Variants in NAV1 observed in about 807,000 individuals in gnomAD.
The protein encoded by NAV1 is neuron navigator 1, also known as pore membrane and/or filament interacting like protein 3.
NAV1 carries 18 observed loss-of-function variants against 175.2 expected under a neutral mutation model. That is an observed-to-expected ratio of 0.10 (90% CI 0.07 to 0.15). The LOEUF (loss-of-function observed/expected upper bound fraction) is 0.15. Among genes scored for constraint, NAV1 ranks in the 10% least tolerant of loss-of-function variants. The probability of loss-of-function intolerance (pLI) is 1.00; values close to 1 mark genes in which losing one functional copy is unlikely to be tolerated. For synonymous variants in NAV1, 897 were observed against 978.7 expected, an observed-to-expected ratio of 0.92 and a Z score of 1.56; for missense variants, 1,731 against 2,436.6, an observed-to-expected ratio of 0.71 and a Z score of 6.10.
chr1:201,590,331 C>T (rs962062280), intron 2 of NAV1, among the ~76,000 whole-genome samples: 1 of 152,334 alleles, frequency 6.6e-6, no homozygotes, highest in East Asian at 1.9e-4. Context: ...TATCCCCTTC[C>T]AGGGTCCCAC....
At chr1:201,676,242 C>G (rs1258254796) in intron 1 of NAV1, among the ~76,000 whole-genome samples, 1 of 152,196 alleles carries the variant, frequency 6.6e-6, no homozygotes, top group Non-Finnish European at 1.5e-5. Context: ...ACCTGGCCTC[C>G]CAGCAGCCAC....
At chr1:201,806,734 G>A (rs1313516963) in intron 17 of NAV1, among the ~76,000 whole-genome samples, 1 of 152,186 alleles carries the variant, frequency 6.6e-6, no homozygotes, top group Non-Finnish European at 1.5e-5. Context: ...ACTGCTCAGT[G>A]ATAAGAAGTC....
intron 1 of NAV1, among the ~76,000 whole-genome samples, chr1:201,586,583 C>T (rs1285490934): frequency 6.6e-6 from 1 of 152,038 alleles, no homozygotes; most frequent in Admixed American, 6.5e-5. Flanking sequence ...TCACAGGTGG[C>T]TGCCTTCTCC....
intron 7 of NAV1, among the ~76,000 whole-genome samples, chr1:201,784,153 A>G (rs1269216846): frequency 6.6e-6 from 1 of 152,086 alleles, no homozygotes; most frequent in Non-Finnish European, 1.5e-5. Flanking sequence ...CTAGTCCAAA[A>G]TCATTTTGTT....
chr1:201,569,456 A>G (rs1298219329), intron 1 of NAV1, among the ~76,000 whole-genome samples: 3 of 152,212 alleles, frequency 2.0e-5, no homozygotes, highest in Non-Finnish European at 2.9e-5. Context: ...TTTACCCAGC[A>G]CCAGGGACAC....
At chr1:201,625,413 G>T (rs571012073) in intron 1 of NAV1, among the ~76,000 whole-genome samples, 87 of 152,304 alleles carry the variant, frequency 5.7e-4, no homozygotes, top group African/African-American at 2.0e-3. Flanking sequence ...AAATTGACCG[G>T]AAGGCAGTGA....
chr1:201,793,684 G>T, intron 13 of NAV1, 108 bp from the exon 18 acceptor site: 1 of 913,528 alleles, frequency 1.1e-6, no homozygotes, highest in Non-Finnish European at 1.7e-6. Context: ...TGCTGGCATT[G>T]GTCAGCTCCG....
chr1:201,647,379 G>A (rs572974474), upstream of NAV1, among the ~76,000 whole-genome samples: 1 of 152,258 alleles, frequency 6.6e-6, no homozygotes, highest in East Asian at 1.9e-4. Flanking sequence ...GGCAGGCAAG[G>A]GACCCAGTGC....
rs1228969366 is a variant in NAV1 at position 201,782,321 on chromosome 1, A to T, written c.1809A>T (p.Gly603=). 3 of 1,614,102 alleles carry T rather than the reference A, an allele frequency of 1.9e-6. No individual in the cohort carries two copies. Among genetic ancestry groups the T allele is most frequent in the Admixed American group, 3.3e-5 (2 of 60,008 alleles). The stretch of plus-strand genomic sequence containing the variant: ...GCATTGCTCGCCCCTCCACTTCGGG[A>T]TCCTTTGGCTACAAGAAGCCTCCTC... The change falls in exon 6 of 30, where the codon GGA becomes GGT. Residue 603 remains glycine, a synonymous_variant. Coordinates refer to ENST00000367296, the Ensembl canonical transcript of NAV1. This position sits in a 1 kb window ranked among gnomAD's most constrained non-coding sequence, Gnocchi z 5.4.
At chr1:201,806,700 G>A (rs1678308236) in intron 17 of NAV1, among the ~76,000 whole-genome samples, 1 of 152,178 alleles carries the variant, frequency 6.6e-6, no homozygotes, top group African/African-American at 2.4e-5. Context: ...AGAGAAATGA[G>A]CTTTATGGTA....
intron 1 of NAV1, among the ~76,000 whole-genome samples, chr1:201,556,377 C>T (rs1557995563): frequency 1.3e-5 from 2 of 151,608 alleles, no homozygotes; most frequent in Non-Finnish European, 2.9e-5. Flanking sequence ...GAGATCGCAC[C>T]ACTGCACTCC....
upstream of NAV1, among the ~76,000 whole-genome samples, chr1:201,619,012 G>T (rs1185384527): frequency 6.6e-6 from 1 of 152,106 alleles, no homozygotes; most frequent in Non-Finnish European, 1.5e-5. Context: ...CCACCTGGGG[G>T]CAATCCTGTG....
intron 1 of NAV1, among the ~76,000 whole-genome samples, chr1:201,651,122 CGTGTGTGTGTGT>C (rs60462710): frequency 1.0e-4 from 13 of 129,060 alleles, no homozygotes; most frequent in East Asian, 4.6e-4. Flanking sequence ...AGGAAGGGAC[CGTGTGTGTGTGT>C]GTGTGTGTGT....
intron 1 of NAV1, among the ~76,000 whole-genome samples, chr1:201,659,327 A>C (rs1558044201): frequency 6.6e-6 from 1 of 152,182 alleles, no homozygotes; most frequent in Non-Finnish European, 1.5e-5. Flanking sequence ...TATTTATAGG[A>C]ATCAGAGGCT....
Position 201,678,118 on chromosome 1 carries a change from A to T in NAV1, c.757+28693A>T, listed in dbSNP as rs376714051. 2.2e-4 allele frequency among the ~76,000 whole-genome samples: 34 copies of T among 152,314 alleles called. No homozygotes were observed. In the South Asian group the frequency reaches 7.1e-3, roughly 32 times the overall value. On this transcript the variant is annotated intron_variant, in intron 1 of 29. Coordinates refer to ENST00000367296, the Ensembl canonical transcript of NAV1. ...ACATCTCAGAAATGTATCCTGCCAA[A>T]TGTGATTGCATTTTCGCACCACCCT...
chr1:201,602,815 C>T (rs974478512), intron 2 of NAV1, among the ~76,000 whole-genome samples: 3 of 152,020 alleles, frequency 2.0e-5, no homozygotes, highest in African/African-American at 7.2e-5. Context: ...CCTACTCACA[C>T]TCCTGCTGAC....
At position 201,810,749 on chromosome 1, in the gene NAV1, G is replaced by T; in HGVS notation, c.4788G>T (p.Gln1596His). The T allele has an allele frequency of 6.2e-7, 1 of 1,613,098 alleles. No individual in the cohort carries two copies. The highest frequency in any genetic ancestry group is 8.5e-7 in the Non-Finnish European group (1 of 1,179,186). The stretch of plus-strand genomic sequence containing the variant: ...TCAGCACCTTCAACATGCACCAGCA[G>T]TCTTGCAAGGTGGCTGCCCCCCGAC... The change falls in exon 24 of 30, where the codon CAG (glutamine) becomes CAT (histidine). Residue 1596 changes from glutamine to histidine, a missense_variant. Physicochemically the swap from Gln to His is conservative, Grantham distance 24. Coordinates refer to ENST00000367296, the Ensembl canonical transcript of NAV1. The surrounding 1 kb of genome is among the most constrained non-coding windows in gnomAD (Gnocchi z 6.0).
At chr1:201,803,412 A>G (rs535351289) in intron 15 of NAV1, among the ~76,000 whole-genome samples, 181 bp from the exon 20 acceptor site, 5 of 152,180 alleles carry the variant, frequency 3.3e-5, no homozygotes, top group Admixed American at 1.3e-4. Context: ...CACTTTTTCT[A>G]TGTTGAAACA....
chr1:201,743,444 C>T (rs1235409510), intron 3 of NAV1, among the ~76,000 whole-genome samples: 2 of 152,214 alleles, frequency 1.3e-5, no homozygotes, highest in African/African-American at 4.8e-5. Flanking sequence ...AGCTTTGTGA[C>T]CTTACAGAGA....
Sources: gnomAD v4.1 joint callset for allele counts (sites outside exome capture counted in the v4.1 genomes callset) on GRCh38, gnomAD v4.1.1 for gene constraint, Gnocchi (gnomAD v3.1) non-coding constraint, MANE v1.5 for transcripts, NCBI Gene and HGNC (gene_info 2026-07-23, HGNC 2026-07-21) for gene names.